Variants in ST6GALNAC5 observed in about 807,000 individuals in gnomAD.
ST6GALNAC5 encodes ST6 N-acetylgalactosaminide alpha-2,6-sialyltransferase 5.
A neutral mutation model predicts 33.6 loss-of-function variants in ST6GALNAC5; 27 were observed. The observed-to-expected ratio is 0.80, with a 90% CI of 0.59 to 1.11. The LOEUF is 1.11. Among genes scored for constraint, ST6GALNAC5 ranks in the 50% least tolerant of loss-of-function variants. The pLI is 0.00. For missense variants in ST6GALNAC5, 428 were observed against 454.0 expected, an observed-to-expected ratio of 0.94 and a Z score of 0.52; for synonymous variants, 194 against 171.2, an observed-to-expected ratio of 1.13 and a Z score of -1.04.
chr1:77,062,410 C>T (rs1396631976), intron 4 of ST6GALNAC5, among the ~76,000 whole-genome samples: 1 of 152,066 alleles, frequency 6.6e-6, no homozygotes, highest in Admixed American at 6.5e-5. Context: ...GGCAAGTGAC[C>T]ACCATCAAGT....
At chr1:76,989,103 C>G (rs111838615) in intron 2 of ST6GALNAC5, among the ~76,000 whole-genome samples, 2 of 151,994 alleles carry the variant, frequency 1.3e-5, no homozygotes, top group East Asian at 1.9e-4. Context: ...CGAAAGGATT[C>G]TTTATCTTTG....
chr1:76,942,451 T>A (rs1265126389), intron 2 of ST6GALNAC5, among the ~76,000 whole-genome samples: 1 of 152,150 alleles, frequency 6.6e-6, no homozygotes, highest in Non-Finnish European at 1.5e-5. Flanking sequence ...GAGCAGTTGA[T>A]ACCGCCAGTA....
chr1:76,914,141 A>C (rs1401659312), intron 2 of ST6GALNAC5, among the ~76,000 whole-genome samples: 1 of 152,210 alleles, frequency 6.6e-6, no homozygotes, highest in African/African-American at 2.4e-5. Flanking sequence ...AGGGACATGA[A>C]GGACCTCTTC....
chr1:76,902,111 C>T (rs1330078743), intron 2 of ST6GALNAC5, among the ~76,000 whole-genome samples: 2 of 151,948 alleles, frequency 1.3e-5, no homozygotes, highest in African/African-American at 4.8e-5. Context: ...GGGCCATGAA[C>T]TTACAAAGAA....
At chr1:76,972,990 T>A (rs1334411004) in intron 2 of ST6GALNAC5, among the ~76,000 whole-genome samples, 1 of 152,134 alleles carries the variant, frequency 6.6e-6, no homozygotes, top group African/African-American at 2.4e-5. Flanking sequence ...GGTCTGTTGG[T>A]CCTTATTGAT....
rs186445352 is a variant in ST6GALNAC5 at position 76,933,317 on chromosome 1, C to T, written c.261+64575C>T. On this transcript the variant is annotated intron_variant, in intron 2 of 4. Coordinates refer to ENST00000477717, the MANE Select transcript of ST6GALNAC5 (RefSeq NM_030965.3). ...ATTTAGTATAGTGATCAAATACCTG[C>T]TATCTGCCTGGTGCTATTCTAGGCT... Among the ~76,000 whole-genome samples the T allele has an allele frequency of 2.6e-5, 4 of 152,074 alleles. 1 individual carries two copies. The highest frequency in any genetic ancestry group is 4.1e-4 in the South Asian group (2 of 4,822).
chr1:76,888,394 G>A (rs150520414), intron 2 of ST6GALNAC5, among the ~76,000 whole-genome samples: 4 of 152,112 alleles, frequency 2.6e-5, no homozygotes, highest in African/African-American at 7.2e-5. Flanking sequence ...CCAAGATCAG[G>A]GGTCTCTCTC....
At chr1:76,981,814 C>T (rs557373822) in intron 2 of ST6GALNAC5, among the ~76,000 whole-genome samples, 1 of 152,316 alleles carries the variant, frequency 6.6e-6, no homozygotes, top group South Asian at 2.1e-4. Context: ...GCAATATTTG[C>T]TGTTCTGCAA....
intron 2 of ST6GALNAC5, among the ~76,000 whole-genome samples, chr1:76,947,858 A>G (rs1485798737): frequency 6.6e-6 from 1 of 152,138 alleles, no homozygotes; most frequent in Admixed American, 6.6e-5. Context: ...ACACACTCAT[A>G]TTCCTAAGAA....
chr1:76,968,564 C>G (rs368070163), intron 2 of ST6GALNAC5, among the ~76,000 whole-genome samples: 3 of 152,116 alleles, frequency 2.0e-5, no homozygotes, highest in African/African-American at 7.2e-5. Flanking sequence ...TTAATTGGGG[C>G]ATTTAGCCCA....
intron 2 of ST6GALNAC5, among the ~76,000 whole-genome samples, chr1:76,966,755 A>C (rs964205232): frequency 6.6e-6 from 1 of 152,172 alleles, no homozygotes; most frequent in East Asian, 1.9e-4. Context: ...AGCTCTTATT[A>C]TTTTGAGATA....
chr1:76,941,889 A>C (rs910512768), intron 2 of ST6GALNAC5, among the ~76,000 whole-genome samples: 12 of 152,130 alleles, frequency 7.9e-5, no homozygotes, highest in Admixed American at 3.3e-4. Context: ...CAGAAAACTA[A>C]TACACCTGCC....
At chr1:76,966,563 CT>C (rs1203301075) in intron 2 of ST6GALNAC5, among the ~76,000 whole-genome samples, 1 of 152,168 alleles carries the variant, frequency 6.6e-6, no homozygotes, top group Non-Finnish European at 1.5e-5. Flanking sequence ...ATTTGACTTC[CT>C]CTTTTCCTAA....
intron 2 of ST6GALNAC5, among the ~76,000 whole-genome samples, chr1:77,024,695 A>G (rs1278281944): frequency 6.6e-6 from 1 of 152,202 alleles, no homozygotes; most frequent in African/African-American, 2.4e-5. Flanking sequence ...AGCTCCCTGC[A>G]GAGAACAAAG....
At chr1:76,917,210 ATATTT>A (rs529558313) in intron 2 of ST6GALNAC5, among the ~76,000 whole-genome samples, 7 of 152,216 alleles carry the variant, frequency 4.6e-5, no homozygotes, top group Non-Finnish European at 7.4e-5. Context: ...ATTAAAACAA[ATATTT>A]TATTTTGACT....
intron 2 of ST6GALNAC5, among the ~76,000 whole-genome samples, chr1:76,960,763 T>C (rs927668625): frequency 2.6e-5 from 4 of 152,210 alleles, no homozygotes; most frequent in Non-Finnish European, 4.4e-5. Flanking sequence ...AAGAGAAATA[T>C]GGCTCTGTTC....
rs182610294 is a variant in ST6GALNAC5 at position 76,942,996 on chromosome 1, T to C, written c.261+74254T>C. Among the ~76,000 whole-genome samples the C allele has an allele frequency of 1.6e-4, 24 of 152,218 alleles. No homozygotes were observed. The East Asian group carries it at 4.7e-3, about 30-fold the overall frequency. On this transcript the variant is annotated intron_variant, in intron 2 of 4. Transcript: ENST00000477717. ...ACAACTCTATGTCCTCCCTAAGTGATAACAATATTAAGAGTGGAAATTGTC... is the reference window on the plus strand; with the variant it reads ...ACAACTCTATGTCCTCCCTAAGTGACAACAATATTAAGAGTGGAAATTGTC...
At chr1:77,025,469 G>A (rs1570110139) in intron 2 of ST6GALNAC5, among the ~76,000 whole-genome samples, 2 of 149,482 alleles carry the variant, frequency 1.3e-5, no homozygotes, top group Admixed American at 6.6e-5. Flanking sequence ...GCAGTGAGCC[G>A]AGATCACACC....
intron 2 of ST6GALNAC5, among the ~76,000 whole-genome samples, chr1:76,947,804 G>T (rs1647581993): frequency 6.6e-6 from 1 of 151,992 alleles, no homozygotes; most frequent in Non-Finnish European, 1.5e-5. Context: ...GAGAAAATGT[G>T]GGCATATGTA....
Sources: allele counts gnomAD v4.1 joint callset (sites outside exome capture counted in the v4.1 genomes callset), GRCh38; gene constraint gnomAD v4.1.1; transcripts MANE v1.5; gene names NCBI Gene and HGNC (gene_info 2026-07-23, HGNC 2026-07-21).